The following OLA1 variants were observed in gnomAD, a reference collection of about 807,000 sequenced individuals.
The protein encoded by OLA1 is Obg like ATPase 1.
In OLA1, 14 loss-of-function variants were observed where a neutral mutation model predicts 48.4. The ratio of observed to expected loss-of-function variants is 0.29; its 90% CI spans 0.19 to 0.45. The LOEUF (loss-of-function observed/expected upper bound fraction) is 0.45, where lower values mean the gene tolerates loss of function less well. Ranked by LOEUF, OLA1 falls within the 20% of genes least tolerant of loss-of-function variation. The probability of loss-of-function intolerance (pLI) is 1.00; values close to 1 mark genes in which losing one functional copy is unlikely to be tolerated. For synonymous variants in OLA1, 127 were observed against 150.4 expected (o/e 0.84, Z 1.14); for missense variants, 325 against 467.1 (o/e 0.70, Z 2.80).
intron 4 of OLA1, among the ~76,000 whole-genome samples, chr2:174,206,579 C>A (rs907236363): frequency 1.3e-5 from 2 of 150,656 alleles, no homozygotes; most frequent in Non-Finnish European, 2.9e-5. Flanking sequence ...ATACAAATGC[C>A]TCAATCACCA....
At chr2:174,188,350 C>T (rs139522474) in intron 4 of OLA1, among the ~76,000 whole-genome samples, 3 of 150,240 alleles carry the variant, frequency 2.0e-5, no homozygotes, top group Admixed American at 6.7e-5. Flanking sequence ...TCAATTGCCT[C>T]TAATGTTTCT....
At chr2:174,219,422 C>CTTTT (rs1559011396) in intron 4 of OLA1, among the ~76,000 whole-genome samples, 25 of 144,212 alleles carry the variant, frequency 1.7e-4, no homozygotes, top group African/African-American at 6.0e-4. Context: ...ATTTTATTTC[C>CTTTT]CTTTTTTTTT....
chr2:174,099,146 T>C (rs573334407), intron 7 of OLA1, among the ~76,000 whole-genome samples: 3 of 151,972 alleles, frequency 2.0e-5, no homozygotes, highest in African/African-American at 7.2e-5. Flanking sequence ...GAGTTTGACT[T>C]TGTTATTTTA....
intron 7 of OLA1, among the ~76,000 whole-genome samples, chr2:174,086,859 G>T (rs1007068655): frequency 6.6e-6 from 1 of 152,076 alleles, no homozygotes; most frequent in South Asian, 2.1e-4. Flanking sequence ...GAACTGAAAC[G>T]GCAGAAAGCA....
intron 7 of OLA1, among the ~76,000 whole-genome samples, chr2:174,094,589 C>G (rs1353427470): frequency 1.3e-5 from 2 of 152,196 alleles, no homozygotes; most frequent in Admixed American, 1.3e-4. Flanking sequence ...ACGTAAAGAT[C>G]CGTGGAAGAG....
chr2:174,241,642 T>C (rs1689007013), intron 2 of OLA1, among the ~76,000 whole-genome samples: 2 of 152,292 alleles, frequency 1.3e-5, no homozygotes, highest in Non-Finnish European at 2.9e-5. Context: ...TCGTTTTTTG[T>C]TTTTTCTTTT....
intron 4 of OLA1, among the ~76,000 whole-genome samples, chr2:174,143,031 G>A (rs933892088): frequency 6.6e-6 from 1 of 152,062 alleles, no homozygotes; most frequent in African/African-American, 2.4e-5. Flanking sequence ...GAGAAACAGT[G>A]AACACAGCTC....
chr2:174,158,255 C>G (rs140143424), intron 4 of OLA1, among the ~76,000 whole-genome samples: 3 of 152,298 alleles, frequency 2.0e-5, no homozygotes, highest in South Asian at 2.1e-4. Context: ...ACCCCTTATT[C>G]CCCTGTGGTC....
At chr2:174,093,602 C>T (rs374353284) in intron 7 of OLA1, among the ~76,000 whole-genome samples, 6 of 152,150 alleles carry the variant, frequency 3.9e-5, no homozygotes, top group East Asian at 3.8e-4. Context: ...TGTACTCGGA[C>T]GTCTGAAAAT....
chr2:174,147,044 CACAT>C (rs1053324532), intron 4 of OLA1, among the ~76,000 whole-genome samples: 13 of 152,128 alleles, frequency 8.5e-5, no homozygotes, highest in African/African-American at 2.2e-4. Flanking sequence ...ACTGACACCA[CACAT>C]ACCATCAAGA....
chr2:174,156,184 C>A (rs943072123), intron 4 of OLA1, among the ~76,000 whole-genome samples: 8 of 152,086 alleles, frequency 5.3e-5, no homozygotes, highest in Admixed American at 1.3e-4. Context: ...GTTCCTCAAC[C>A]TTGGCACTAC....
At chr2:174,198,958 T>C (rs1481193516) in intron 4 of OLA1, among the ~76,000 whole-genome samples, 1 of 152,232 alleles carries the variant, frequency 6.6e-6, no homozygotes, top group Non-Finnish European at 1.5e-5. Flanking sequence ...TTGGTCAATG[T>C]ATTCATCACA....
intron 5 of OLA1, among the ~76,000 whole-genome samples, chr2:174,136,930 C>T (rs1686324211): frequency 6.6e-6 from 1 of 152,110 alleles, no homozygotes; most frequent in African/African-American, 2.4e-5. Flanking sequence ...CCTCCTTGGC[C>T]TCCCAAAGTG....
At chr2:174,201,545 G>A (rs1256697972) in intron 4 of OLA1, among the ~76,000 whole-genome samples, 2 of 152,040 alleles carry the variant, frequency 1.3e-5, no homozygotes, top group Admixed American at 1.3e-4. Flanking sequence ...GAGAAGGGGG[G>A]TCTCACTATG....
chr2:174,208,138 G>C (rs1036375309), intron 4 of OLA1, among the ~76,000 whole-genome samples: 4 of 152,124 alleles, frequency 2.6e-5, no homozygotes, highest in Non-Finnish European at 4.4e-5. Context: ...TTACTGCTGG[G>C]AGAAGGATGC....
At chr2:174,153,169 G>A (rs1013057789) in intron 4 of OLA1, among the ~76,000 whole-genome samples, 5 of 152,126 alleles carry the variant, frequency 3.3e-5, no homozygotes, top group African/African-American at 9.7e-5. Context: ...GGACTTTCAC[G>A]CAAAGTAAAC....
chr2:174,211,152 T>TC (rs1408885867), intron 4 of OLA1, among the ~76,000 whole-genome samples: 2 of 148,716 alleles, frequency 1.3e-5, no homozygotes, highest in African/African-American at 4.9e-5. Context: ...AGCCGTCCCT[T>TC]CCCTTAGCCT....
Position 174,110,135 on chromosome 2 carries a change from G to C in OLA1, c.728+13045C>G, listed in dbSNP as rs1315464464. ...TTTTGAGACAAAGTCTTGTTCTGTC[G>C]CCCAGTCTGGAGTGCAGTGGTGCGG... On this transcript the variant is annotated intron_variant, in intron 7 of 10. Coordinates refer to ENST00000284719, the MANE Select transcript of OLA1 (RefSeq NM_013341.5). Among the ~76,000 whole-genome samples, 8 of 121,192 alleles carry C rather than the reference G, an allele frequency of 6.6e-5. No homozygotes were observed. In the East Asian group the frequency reaches 1.6e-3, roughly 24 times the overall value. 79.5% of individuals were successfully genotyped at this position (121,192 alleles called of 152,430 possible).
chr2:174,241,460 C>T (rs945445632), intron 2 of OLA1, among the ~76,000 whole-genome samples: 4 of 152,068 alleles, frequency 2.6e-5, no homozygotes, highest in Non-Finnish European at 4.4e-5. Context: ...CTTTCACAGA[C>T]GCTGTGATTG....
Sources: gnomAD v4.1 joint callset for allele counts (sites outside exome capture counted in the v4.1 genomes callset) on GRCh38, gnomAD v4.1.1 for gene constraint, MANE v1.5 for transcripts, NCBI Gene and HGNC (gene_info 2026-07-23, HGNC 2026-07-21) for gene names.